The following SMARCA2 variants were observed in gnomAD, a reference collection of about 807,000 sequenced individuals.
SMARCA2 encodes the protein SWI/SNF related BAF chromatin remodeling complex subunit ATPase 2, also known as SWI/SNF-related matrix-associated actin-dependent regulator of chromatin subfamily A member 2.
Under a neutral mutation model 199.8 loss-of-function variants are expected in SMARCA2, and 61 were observed. The ratio of observed to expected loss-of-function variants is 0.31; its 90% CI spans 0.25 to 0.38. The LOEUF is 0.38. Among genes scored for constraint, SMARCA2 ranks in the 10% least tolerant of loss-of-function variants. The probability of loss-of-function intolerance (pLI) is 1.00; values close to 1 mark genes in which losing one functional copy is unlikely to be tolerated. For missense variants in SMARCA2, 1,344 were observed against 2,012.2 expected, an observed-to-expected ratio of 0.67 and a Z score of 6.35; for synonymous variants, 935 against 732.0, an observed-to-expected ratio of 1.28 and a Z score of -4.48.
At chr9:2,059,681 C>T (rs866017179) in intron 8 of SMARCA2, among the ~76,000 whole-genome samples, 2 of 152,032 alleles carry the variant, frequency 1.3e-5, no homozygotes, top group East Asian at 1.9e-4. Flanking sequence ...CAACCATAAC[C>T]GAAAGCAATT....
intron 9 of SMARCA2, among the ~76,000 whole-genome samples, chr9:2,068,699 T>C (rs1025072292): frequency 2.6e-5 from 4 of 152,058 alleles, no homozygotes; most frequent in African/African-American, 9.7e-5. Flanking sequence ...TTCTCAAGCA[T>C]CTTGGCAAAG....
At chr9:2,172,670 G>C (rs1231808995) in intron 29 of SMARCA2, among the ~76,000 whole-genome samples, 1 of 152,114 alleles carries the variant, frequency 6.6e-6, no homozygotes, top group Non-Finnish European at 1.5e-5. Flanking sequence ...GTGGGGTCTT[G>C]AGGGCAACCT....
At chr9:2,132,045 G>T (rs1418622416) in intron 27 of SMARCA2, among the ~76,000 whole-genome samples, 2 of 152,036 alleles carry the variant, frequency 1.3e-5, no homozygotes, top group African/African-American at 4.8e-5. Flanking sequence ...AAAAAGCTAT[G>T]TAATACCAAG....
At chr9:2,100,181 C>T (rs571963663) in intron 21 of SMARCA2, among the ~76,000 whole-genome samples, 2 of 152,326 alleles carry the variant, frequency 1.3e-5, no homozygotes, top group African/African-American at 4.8e-5. Context: ...AGATGGTTGC[C>T]ATTCCCATAA....
chr9:2,050,052 T>G (rs904126436), intron 5 of SMARCA2, among the ~76,000 whole-genome samples: 1 of 152,234 alleles, frequency 6.6e-6, no homozygotes, highest in African/African-American at 2.4e-5. Flanking sequence ...ACAGGAAGTT[T>G]TCAGCATCTT....
chr9:2,152,794 G>A (rs565448163), intron 27 of SMARCA2, among the ~76,000 whole-genome samples: 205 of 152,160 alleles, frequency 1.3e-3, no homozygotes, highest in Admixed American at 6.4e-3. Flanking sequence ...GGAGGTTTCA[G>A]TGAGCCAAGA....
chr9:2,088,699 A>G, intron 19 of SMARCA2, 86 bp downstream of exon 19: 1 of 912,376 alleles, frequency 1.1e-6, no homozygotes, highest in East Asian at 2.4e-5. Flanking sequence ...TGTGTTTCTG[A>G]AACAGCAGAC....
At chr9:2,184,520 T>TTTTGTATTTTTTTTAGTAGAGATGGGG (rs575522009) in intron 31 of SMARCA2, among the ~76,000 whole-genome samples, 98 of 151,610 alleles carry the variant, frequency 6.5e-4, no homozygotes, top group African/African-American at 2.2e-3. Flanking sequence ...CCCGGCTAAT[T>TTTTGTATTTTTTTTAGTAGAGATGGGG]TTTGTATTTT....
chr9:2,167,234 T>G (rs985467174), intron 28 of SMARCA2, among the ~76,000 whole-genome samples: 1 of 152,266 alleles, frequency 6.6e-6, no homozygotes, highest in African/African-American at 2.4e-5. Context: ...TGGCTTGATA[T>G]GCTCTTTCTA....
At chr9:2,140,884 G>C (rs1415961939) in intron 27 of SMARCA2, among the ~76,000 whole-genome samples, 1 of 152,046 alleles carries the variant, frequency 6.6e-6, no homozygotes, top group East Asian at 1.9e-4. Context: ...ACACCTTGCT[G>C]TACTGGGCAC....
intron 8 of SMARCA2, among the ~76,000 whole-genome samples, chr9:2,058,829 C>T (rs956793538): frequency 1.3e-5 from 2 of 152,046 alleles, no homozygotes; most frequent in Non-Finnish European, 2.9e-5. Flanking sequence ...AGATGAATGA[C>T]CACGTTTTTT....
intron 27 of SMARCA2, among the ~76,000 whole-genome samples, chr9:2,124,640 G>A (rs997279165): frequency 6.6e-6 from 1 of 152,182 alleles, no homozygotes; most frequent in Non-Finnish European, 1.5e-5. Flanking sequence ...TCGGGTCACC[G>A]ATGCTTGGAA....
chr9:2,160,742 A>G (rs975240040), intron 27 of SMARCA2: 1 of 434,814 alleles, frequency 2.3e-6, no homozygotes. Flanking sequence ...TGTGTGAGAG[A>G]GCAATCTCAA....
At chr9:2,177,082 G>A (rs909946128) in intron 29 of SMARCA2, among the ~76,000 whole-genome samples, 2 of 152,172 alleles carry the variant, frequency 1.3e-5, no homozygotes, top group African/African-American at 2.4e-5. Context: ...GTTTCTGCAG[G>A]CTCTCTTGAT....
chr9:2,166,430 C>G (rs1825932611), intron 28 of SMARCA2, among the ~76,000 whole-genome samples: 1 of 152,100 alleles, frequency 6.6e-6, no homozygotes, highest in Admixed American at 6.6e-5. Context: ...ACTCCCCACC[C>G]CAGAACACAC....
At chr9:2,133,396 C>T (rs889531963) in intron 27 of SMARCA2, among the ~76,000 whole-genome samples, 2 of 152,082 alleles carry the variant, frequency 1.3e-5, no homozygotes, top group African/African-American at 4.8e-5. Flanking sequence ...GTCTTCCTGC[C>T]TCAGCCTTTT....
intron 1 of SMARCA2, among the ~76,000 whole-genome samples, chr9:2,019,389 A>G (rs1818505925): frequency 6.6e-6 from 1 of 152,110 alleles, no homozygotes. Context: ...AGCATGTTCA[A>G]AGCAGCCTTA....
At chr9:2,047,545 AG>A (rs1359815859) in intron 5 of SMARCA2, 61 bp downstream of exon 5, 12 of 1,236,172 alleles carry the variant, frequency 9.7e-6, no homozygotes, top group South Asian at 3.2e-5. Context: ...GCCCAAGCCG[AG>A]GGGGGTGAGG....
At chr9:2,020,128 A>G (rs1342367553) in intron 1 of SMARCA2, among the ~76,000 whole-genome samples, 1 of 152,236 alleles carries the variant, frequency 6.6e-6, no homozygotes, top group Non-Finnish European at 1.5e-5. Flanking sequence ...TTAGAAAACT[A>G]TATGAGTTAC....
Sources: gnomAD v4.1 joint callset for allele counts (sites outside exome capture counted in the v4.1 genomes callset) on GRCh38, gnomAD v4.1.1 for gene constraint, MANE v1.5 for transcripts, NCBI Gene and HGNC (gene_info 2026-07-23, HGNC 2026-07-21) for gene names.